The following CLK1 variants were observed in gnomAD, a reference collection of about 807,000 sequenced individuals.
CLK1 encodes the protein CDC like kinase 1.
Under a neutral mutation model 60.9 loss-of-function variants are expected in CLK1, and 40 were observed. That is an observed-to-expected ratio of 0.66 (90% CI 0.51 to 0.86). The LOEUF (loss-of-function observed/expected upper bound fraction) is 0.86, where lower values mean the gene tolerates loss of function less well. CLK1 is among the 40% of genes least tolerant of loss of function. The probability of loss-of-function intolerance (pLI) is 0.00; values close to 1 mark genes in which losing one functional copy is unlikely to be tolerated. For missense variants in CLK1, 563 were observed against 606.1 expected, an observed-to-expected ratio of 0.93 and a Z score of 0.75; for synonymous variants, 203 against 184.4, an observed-to-expected ratio of 1.10 and a Z score of -0.82.
chr2:200,858,894 G>C (rs545671028), intron 5 of CLK1, among the ~76,000 whole-genome samples: 3 of 151,388 alleles, frequency 2.0e-5, no homozygotes, highest in African/African-American at 7.3e-5. Context: ...AAATTTCATG[G>C]CTGGAGCCAA....
intron 1 of CLK1, chr2:200,863,978 G>A (rs768170918): frequency 1.4e-5 from 16 of 1,108,606 alleles, no homozygotes; most frequent in Non-Finnish European, 1.9e-5. Context: ...CTTTCCTTGG[G>A]TTCCTAAATC....
chr2:200,855,077 C>T lies in CLK1; in HGVS notation c.1067G>A (p.Trp356Ter). ...RAPEVILALG[W>*]SQPCDVWSIG... ...GCTCCAGACATCACATGGTTGGGAC[C>T]ACCCTAGGGCTGCAAAGCAAAGCAA... The change falls in exon 10 of 13, where the codon TGG becomes TAG. Residue 356 changes from tryptophan to a stop codon, truncating the protein, a stop_gained. Transcript: ENST00000321356. LOFTEE classifies it high-confidence loss of function. 6.3e-7 allele frequency: 1 copy of T among 1,598,820 alleles called. No homozygotes were observed. Among genetic ancestry groups the T allele is most frequent in the Non-Finnish European group, 8.5e-7 (1 of 1,175,916 alleles).
At chr2:200,855,305 A>G (rs1424908978) in intron 9 of CLK1, among the ~76,000 whole-genome samples, 2 of 151,854 alleles carry the variant, frequency 1.3e-5, no homozygotes, top group Non-Finnish European at 2.9e-5. Flanking sequence ...GCGAGATCCC[A>G]CCTCTATTAA....
At position 200,856,672 on chromosome 2, in the gene CLK1, T is replaced by G; in HGVS notation, c.1057+10A>C. 1 of 1,564,348 alleles carries G rather than the reference T, an allele frequency of 6.4e-7. No homozygotes were observed. Among genetic ancestry groups the G allele is most frequent in the South Asian group, 1.2e-5 (1 of 83,888 alleles). On this transcript the variant is annotated intron_variant, in intron 9 of 12. Coordinates refer to ENST00000321356, the MANE Select transcript of CLK1 (RefSeq NM_004071.4). ...AATACAAAGGTTCTCAAAGGACAAT[T>G]AATACTCACCTAAAATAACTTCAGG...
At chr2:200,861,905 A>G in intron 1 of CLK1, 43 bp from the exon 2 acceptor site, 1 of 1,571,956 alleles carries the variant, frequency 6.4e-7, no homozygotes, top group Non-Finnish European at 8.7e-7. Flanking sequence ...TGTACCCCAC[A>G]CTGAGCTGTT....
At chr2:200,862,173 C>A in intron 1 of CLK1, among the ~76,000 whole-genome samples, 1 of 152,066 alleles carries the variant, frequency 6.6e-6, no homozygotes, top group South Asian at 2.1e-4. Context: ...TTTACCCCTG[C>A]CCTCCCAGTA....
At position 200,854,950 on chromosome 2, in the gene CLK1, A is replaced by C. The variant is rs913769676; in HGVS notation, c.1140+54T>G. 8.0e-6 allele frequency: 11 copies of C among 1,368,550 alleles called. No homozygotes were observed. The African/African-American group carries it at 1.6e-4, about 20-fold the overall frequency. The allele number at this position is 1,368,550 out of a possible 1,614,324, so 84.8% of individuals were successfully genotyped here. On this transcript the variant is annotated intron_variant, in intron 10 of 12. Coordinates refer to ENST00000321356, the MANE Select transcript of CLK1 (RefSeq NM_004071.4). ...GGGAAGCAAAAGTATTTATTCATAT[A>C]AACAGGCACCTTTCTTGTGCAAAGC...
At chr2:200,859,883 A>T in intron 4 of CLK1, 137 bp from the exon 5 acceptor site, 1 of 1,450,356 alleles carries the variant, frequency 6.9e-7, no homozygotes, top group South Asian at 1.5e-5. Flanking sequence ...GGTCAACACC[A>T]TCAAAAAACA....
intron 1 of CLK1, among the ~76,000 whole-genome samples, chr2:200,863,708 G>C (rs891386386): frequency 2.0e-5 from 3 of 152,054 alleles, no homozygotes; most frequent in African/African-American, 7.2e-5. Flanking sequence ...ACAAACATTA[G>C]CCCGGCGTCG....
chr2:200,853,533 T>G (rs2038982187), intron 12 of CLK1, 84 bp from the exon 13 acceptor site: 6 of 1,247,014 alleles, frequency 4.8e-6, no homozygotes, highest in Non-Finnish European at 6.6e-6. Flanking sequence ...ACCATATATA[T>G]ATAACCACCA....
At chr2:200,863,452 G>A (rs1334903890) in intron 1 of CLK1, among the ~76,000 whole-genome samples, 1 of 152,136 alleles carries the variant, frequency 6.6e-6, no homozygotes, top group Non-Finnish European at 1.5e-5. Context: ...CAACTACTCA[G>A]GAGGCTGAGG....
chr2:200,853,363 A>G lies in CLK1; in HGVS notation c.1398T>C (p.Ile466=). The stretch of plus-strand genomic sequence containing the variant: ...GATGCTTTAAGGCTTCTCTGAGAGT[A>G]ATTCTTTTGGCTGGATCATACTCCA... ...KMLEYDPAKR[I]TLREALKHPF... is the part of the protein sequence containing the mutation. The change falls in exon 13 of 13, where the codon ATT becomes ATC. Residue 466 remains isoleucine (I), a synonymous_variant. Coordinates refer to ENST00000321356, the MANE Select transcript of CLK1 (RefSeq NM_004071.4). The G allele has an allele frequency of 6.2e-7, 1 of 1,613,388 alleles. No individual in the cohort carries two copies. The highest frequency in any genetic ancestry group is 1.7e-4 in the Middle Eastern group (1 of 6,060).
At chr2:200,856,041 A>AT (rs1210302708) in intron 9 of CLK1, among the ~76,000 whole-genome samples, 1 of 151,648 alleles carries the variant, frequency 6.6e-6, no homozygotes, top group Non-Finnish European at 1.5e-5. Context: ...TAAATAAATT[A>AT]TATAGTGTTA....
rs772672605 is a variant in CLK1 at position 200,855,138 on chromosome 2, GAAATT to G, written c.1058-57_1058-53del. On this transcript the variant is annotated intron_variant, in intron 9 of 12. Coordinates refer to ENST00000321356, the MANE Select transcript of CLK1 (RefSeq NM_004071.4). ...AAAAAAATACTCAATGTTTGTTAAA[GAAATT>G]AAAAAGTTAGTTAACACTAATACTT... is the stretch of plus-strand genomic sequence containing the variant. 34 of 1,378,772 alleles carry G rather than the reference GAAATT, an allele frequency of 2.5e-5. No individual in the cohort carries two copies. In the Admixed American group the frequency reaches 6.5e-4, roughly 26 times the overall value. The allele number at this position is 1,378,772 out of a possible 1,614,324, so 85.4% of individuals were successfully genotyped here.
intron 11 of CLK1, 56 bp from the exon 12 acceptor site, chr2:200,854,049 A>G: frequency 8.5e-7 from 1 of 1,178,306 alleles, no homozygotes; most frequent in Non-Finnish European, 1.2e-6. Flanking sequence ...TAAAACAGCT[A>G]GCAAAGGTAT....
rs2039144773 is a variant in CLK1 at position 200,861,868 on chromosome 2, T to A, written c.1-6A>T. The A allele has an allele frequency of 3.1e-6, 5 of 1,613,278 alleles. No individual in the cohort carries two copies. The South Asian group carries it at 4.4e-5, about 14-fold the overall frequency. ...GTTCTCTTTGAGTGTCTCATCTACATAAAAGGCAAGTTTTTCCTAGTTAAA... is the reference window on the plus strand; with the variant it reads ...GTTCTCTTTGAGTGTCTCATCTACAAAAAAGGCAAGTTTTTCCTAGTTAAA... On this transcript the variant is annotated splice_region_variant and splice_polypyrimidine_tract_variant and intron_variant, in intron 1 of 12. Coordinates refer to ENST00000321356, the MANE Select transcript of CLK1 (RefSeq NM_004071.4).
intron 10 of CLK1, 55 bp downstream of exon 10, chr2:200,854,949 T>TAA (rs1266350705): frequency 1.5e-6 from 2 of 1,362,440 alleles, no homozygotes; most frequent in Non-Finnish European, 2.1e-6. Context: ...TTTATTCATA[T>TAA]AAACAGGCAC....
At position 200,859,657 on chromosome 2, in the gene CLK1, T is replaced by A. The variant is rs761421793; in HGVS notation, c.548+23A>T. On this transcript the variant is annotated intron_variant, in intron 5 of 12. Coordinates refer to ENST00000321356, the MANE Select transcript of CLK1 (RefSeq NM_004071.4). ...CCTGTATTGCCAACTTCCCTAAAAG[T>A]AATCCCAACATGGGAAACTTACGCT... is the stretch of plus-strand genomic sequence containing the variant. 4 of 1,604,040 alleles carry A rather than the reference T, an allele frequency of 2.5e-6. No individual in the cohort carries two copies. The Admixed American group carries it at 6.8e-5, about 27-fold the overall frequency.
chr2:200,861,780 T>G lies in CLK1; in HGVS notation c.83A>C (p.His28Pro). Residue 28 changes from histidine (H) to proline (P), a missense_variant, in exon 2 of 13, where the codon CAT becomes CCT. Transcript: ENST00000321356. ...GCTATGTGATCTCTTCCTTCTTTTA[T>G]GACTGCTGCTGCTCCTCCATTTTCC... The part of the protein sequence containing the change: ...DYGKWRSSSS[H>P]KRRKRSHSSA... The G allele has an allele frequency of 6.2e-7, 1 of 1,614,178 alleles. No homozygotes were observed. Among genetic ancestry groups the G allele is most frequent in the Non-Finnish European group, 8.5e-7 (1 of 1,180,012 alleles).
Sources: allele counts gnomAD v4.1 joint callset (sites outside exome capture counted in the v4.1 genomes callset), GRCh38; gene constraint gnomAD v4.1.1; transcripts MANE v1.5; gene names NCBI Gene and HGNC (gene_info 2026-07-23, HGNC 2026-07-21).